The following CGGBP1 variants were observed in gnomAD, a reference collection of about 807,000 sequenced individuals.
CGGBP1 encodes the protein CGG triplet repeat binding protein 1.
A neutral mutation model predicts 11.4 loss-of-function variants in CGGBP1; 4 were observed. That is an observed-to-expected ratio of 0.35 (90% confidence interval 0.17 to 0.80). The LOEUF (loss-of-function observed/expected upper bound fraction) is 0.80, where lower values mean the gene tolerates loss of function less well. CGGBP1 is among the 30% of genes least tolerant of loss of function. The probability of loss-of-function intolerance (pLI) is 0.52; values close to 1 mark genes in which losing one functional copy is unlikely to be tolerated. For missense variants in CGGBP1, 135 were observed against 202.1 expected (o/e 0.67, Z 2.01); for synonymous variants, 76 against 74.1 (o/e 1.03, Z -0.13).
At chr3:88,100,173 C>G (rs1175159649) in intron 2 of CGGBP1, among the ~76,000 whole-genome samples, 1 of 152,134 alleles carries the variant, frequency 6.6e-6, no homozygotes, top group Non-Finnish European at 1.5e-5. Flanking sequence ...CGGATATGAA[C>G]AGACACTTCT....
intron 2 of CGGBP1, among the ~76,000 whole-genome samples, chr3:88,098,934 A>G (rs1704230838): frequency 6.6e-6 from 1 of 152,230 alleles, no homozygotes; most frequent in Non-Finnish European, 1.5e-5. Flanking sequence ...ACAAGCAGGG[A>G]TGCCCTCTGT....
Position 88,052,219 on chromosome 3 carries a change from T to A in CGGBP1, c.*3254A>T, listed in dbSNP as rs1706444385. ...TTTACCTAAGAAATCTATGATAGTG[T>A]GGGTGGAGATAAACCAGTTTAGGAT... On this transcript the variant is annotated 3_prime_UTR_variant, in exon 4 of 4. Coordinates refer to ENST00000482016, the MANE Select transcript of CGGBP1 (RefSeq NM_001008390.2). The A allele has an allele frequency of 6.6e-6, 1 of 152,604 alleles. No individual in the cohort carries two copies. The highest frequency in any genetic ancestry group is 1.5e-5 in the Non-Finnish European group (1 of 68,020). The allele number at this position is 152,604 out of a possible 1,614,324, so 9.5% of individuals were successfully genotyped here. A position where few individuals can be genotyped will look rare whatever the true frequency, so the allele number is the denominator to read the frequency against.
intron 1 of CGGBP1, among the ~76,000 whole-genome samples, chr3:88,058,543 G>A: frequency 6.6e-6 from 1 of 152,314 alleles, no homozygotes; most frequent in Middle Eastern, 3.4e-3. Flanking sequence ...GCGCCCAGCC[G>A]TCCCGACCCC....
At chr3:88,143,388 C>A (rs568403523) in intron 1 of CGGBP1, 5 of 152,134 alleles carry the variant, frequency 3.3e-5, no homozygotes, top group African/African-American at 4.8e-5. Context: ...TAATTAAAAT[C>A]TTTTCTTTAA....
chr3:88,095,125 G>T (rs914422753), intron 2 of CGGBP1, among the ~76,000 whole-genome samples: 1 of 152,066 alleles, frequency 6.6e-6, no homozygotes, highest in South Asian at 2.1e-4. Flanking sequence ...TTAAGCTTTG[G>T]TATCTTGAAA....
chr3:88,098,003 A>G (rs1215527031), intron 2 of CGGBP1, among the ~76,000 whole-genome samples: 1 of 152,236 alleles, frequency 6.6e-6, no homozygotes, highest in Non-Finnish European at 1.5e-5. Context: ...TGAAGGAGAT[A>G]GAGACATAAA....
chr3:88,122,724 G>A (rs1262172671), intron 2 of CGGBP1, among the ~76,000 whole-genome samples: 1 of 152,014 alleles, frequency 6.6e-6, no homozygotes, highest in South Asian at 2.1e-4. Context: ...AATACAATAT[G>A]TATGGCTGGG....
upstream of CGGBP1, chr3:88,059,215 AGGAGGGAAGGG>A: frequency 6.8e-7 from 1 of 1,477,834 alleles, no homozygotes; most frequent in Non-Finnish European, 8.9e-7. Flanking sequence ...CCGGCTAGGG[AGGAGGGAAGGG>A]GGAGGGAACT....
intron 2 of CGGBP1, among the ~76,000 whole-genome samples, chr3:88,094,755 G>A (rs142513634): frequency 6.6e-6 from 1 of 152,008 alleles, no homozygotes; most frequent in East Asian, 1.9e-4. Context: ...CTTGTGCTAA[G>A]TCAGATCATT....
intron 2 of CGGBP1, among the ~76,000 whole-genome samples, chr3:88,102,146 G>T (rs1559711399): frequency 6.6e-6 from 1 of 152,080 alleles, no homozygotes; most frequent in Admixed American, 6.6e-5. Context: ...CTGGTTTAAA[G>T]AAATTTGGTT....
chr3:88,091,647 G>A (rs935125382), intron 2 of CGGBP1, among the ~76,000 whole-genome samples: 1 of 152,114 alleles, frequency 6.6e-6, no homozygotes, highest in Non-Finnish European at 1.5e-5. Context: ...TAATCTCCAC[G>A]TGTCATGGAA....
rs531359609 is a variant in CGGBP1 at position 88,053,209 on chromosome 3, C to T, written c.*2264G>A. On this transcript the variant is annotated 3_prime_UTR_variant, in exon 4 of 4. Transcript: ENST00000482016. ...ATGGTTTCAGGGATTTGTATCAGTT[C>T]GAGCAGGCTAAAACAATCATTCTGC... 6.6e-5 allele frequency: 10 copies of T among 152,210 alleles called. No individual in the cohort carries two copies. The highest frequency in any genetic ancestry group is 1.9e-4 in the East Asian group (1 of 5,180). 9.4% of individuals were successfully genotyped at this position (152,210 alleles called of 1,614,324 possible).
intron 2 of CGGBP1, among the ~76,000 whole-genome samples, chr3:88,074,737 T>C (rs1707707306): frequency 6.6e-6 from 1 of 152,184 alleles, no homozygotes; most frequent in Non-Finnish European, 1.5e-5. Context: ...TATACTAATA[T>C]TTCTGTCAAC....
intron 2 of CGGBP1, among the ~76,000 whole-genome samples, chr3:88,087,400 T>C (rs1708393900): frequency 6.6e-6 from 1 of 152,214 alleles, no homozygotes; most frequent in African/African-American, 2.4e-5. Context: ...TAAAAAATGC[T>C]TATAGAGAAC....
chr3:88,095,815 C>A, intron 2 of CGGBP1: 3 of 449,122 alleles, frequency 6.7e-6, no homozygotes, highest in South Asian at 5.1e-5. Context: ...AAGTTTTTCT[C>A]AGATTCCCAA....
intron 2 of CGGBP1, among the ~76,000 whole-genome samples, chr3:88,115,503 TC>T (rs1705336776): frequency 6.6e-6 from 1 of 152,214 alleles, no homozygotes; most frequent in Non-Finnish European, 1.5e-5. Context: ...GTAGAGCCTG[TC>T]TGGTGAAGGG....
intron 2 of CGGBP1, among the ~76,000 whole-genome samples, chr3:88,137,490 T>G (rs1706868307): frequency 6.6e-6 from 1 of 152,092 alleles, no homozygotes. Context: ...TAGGGAGACA[T>G]AAAAAATGAG....
chr3:88,140,804 AC>A, intron 2 of CGGBP1: 2 of 1,613,674 alleles, frequency 1.2e-6, no homozygotes, highest in Non-Finnish European at 1.7e-6. Flanking sequence ...TTTTAACAAA[AC>A]CATACGTCAG....
intron 1 of CGGBP1, chr3:88,141,751 T>C: frequency 5.4e-6 from 5 of 924,440 alleles, no homozygotes; most frequent in Non-Finnish European, 7.9e-6. Flanking sequence ...ATGGCCTTAA[T>C]TTTAGAGTGG....
Sources: allele counts gnomAD v4.1 joint callset (sites outside exome capture counted in the v4.1 genomes callset), GRCh38; gene constraint gnomAD v4.1.1; transcripts MANE v1.5; gene names NCBI Gene and HGNC (gene_info 2026-07-23, HGNC 2026-07-21).